The following SGCD variants were observed in gnomAD, a reference collection of about 807,000 sequenced individuals.
SGCD encodes the protein delta-sarcoglycan.
In SGCD, 18 loss-of-function variants were observed where a neutral mutation model predicts 36.6. The ratio of observed to expected loss-of-function variants is 0.49; its 90% CI spans 0.34 to 0.73. The LOEUF is 0.73. SGCD is among the 30% of genes least tolerant of loss of function. The pLI, the probability that SGCD is intolerant of heterozygous loss-of-function variation, is 0.01. For synonymous variants in SGCD, 133 were observed against 130.6 expected (o/e 1.02, Z -0.12); for missense variants, 387 against 346.7 (o/e 1.12, Z -0.92).
intron 3 of SGCD, among the ~76,000 whole-genome samples, chr5:156,233,481 G>A (rs375698894): frequency 1.8e-4 from 27 of 152,292 alleles, no homozygotes; most frequent in Middle Eastern, 6.8e-3. Flanking sequence ...ATTTAGTACT[G>A]ATGAAGGAAA....
At chr5:156,221,560 T>TA (rs1024836390) in intron 3 of SGCD, among the ~76,000 whole-genome samples, 70 of 147,442 alleles carry the variant, frequency 4.7e-4, no homozygotes, top group Middle Eastern at 6.9e-3. Flanking sequence ...TAATGAGATT[T>TA]AAAAAAAAAA....
chr5:156,670,235 T>G (rs574070629), intron 7 of SGCD, among the ~76,000 whole-genome samples: 160 of 152,302 alleles, frequency 1.1e-3, no homozygotes, highest in African/African-American at 3.7e-3. Flanking sequence ...ACATGACATT[T>G]TAAAAATAAA....
chr5:156,308,579 T>C (rs1348376810), intron 3 of SGCD, among the ~76,000 whole-genome samples: 1 of 152,102 alleles, frequency 6.6e-6, no homozygotes, highest in Non-Finnish European at 1.5e-5. Context: ...ATTACGGGCA[T>C]GAGCCACCGC....
chr5:156,486,064 A>G (rs1233740790), intron 3 of SGCD, among the ~76,000 whole-genome samples: 4 of 152,090 alleles, frequency 2.6e-5, no homozygotes, highest in Non-Finnish European at 5.9e-5. Flanking sequence ...CAAAGACCCA[A>G]GCAACTGTAG....
chr5:156,029,087 C>A (rs1759286387), intron 1 of SGCD, among the ~76,000 whole-genome samples: 2 of 152,118 alleles, frequency 1.3e-5, no homozygotes, highest in African/African-American at 4.8e-5. Flanking sequence ...CATTCTCAAC[C>A]TCATCATCTG....
chr5:156,094,413 G>A lies in SGCD; in HGVS notation c.-281-23465G>A, dbSNP rs114764119. On this transcript the variant is annotated intron_variant, in intron 1 of 9. Coordinates refer to the SGCD transcript ENST00000517913. ...TCTGCACAGCTAAGAGTTGGTGCCC[G>A]CTCCCTTATCCTCCCATCCCAACTG... Among the ~76,000 whole-genome samples, 348 of 152,218 alleles carry A rather than the reference G, an allele frequency of 2.3e-3. 1 individual carries two copies. The highest frequency in any genetic ancestry group is 7.7e-3 in the African/African-American group (319 of 41,542).
chr5:156,524,208 A>ATATG (rs3075013), intron 4 of SGCD, among the ~76,000 whole-genome samples: 1 of 120,698 alleles, frequency 8.3e-6, no homozygotes, highest in Non-Finnish European at 1.7e-5. Context: ...ATATATATAT[A>ATATG]GGTCTTTATA....
intron 7 of SGCD, among the ~76,000 whole-genome samples, chr5:156,726,621 T>A (rs1026210934): frequency 6.6e-6 from 1 of 152,224 alleles, no homozygotes; most frequent in Admixed American, 6.5e-5. Context: ...CTCTTTATGC[T>A]CCTTCAGCCT....
rs1484715185 is a variant in SGCD at position 156,765,898 on chromosome 5, T to G, written c.*6508T>G. ...TAGAACTTCTATTTTCCCTGCTTTCTGTAGTCTCTCACAGTGACAGCATCT... is the reference window on the plus strand; with the variant it reads ...TAGAACTTCTATTTTCCCTGCTTTCGGTAGTCTCTCACAGTGACAGCATCT... On this transcript the variant is annotated 3_prime_UTR_variant, in exon 9 of 9. Coordinates refer to ENST00000337851, the MANE Select transcript of SGCD (RefSeq NM_000337.6). The G allele has an allele frequency of 1.3e-5, 2 of 152,208 alleles. No individual in the cohort carries two copies. The highest frequency in any genetic ancestry group is 6.5e-5 in the Admixed American group (1 of 15,280). 9.4% of individuals were successfully genotyped at this position (152,208 alleles called of 1,614,324 possible). A position where few individuals can be genotyped will look rare whatever the true frequency, so the allele number is the denominator to read the frequency against.
intron 6 of SGCD, among the ~76,000 whole-genome samples, chr5:156,624,870 A>G (rs950178006): frequency 3.9e-5 from 6 of 152,202 alleles, no homozygotes; most frequent in Admixed American, 2.6e-4. Flanking sequence ...AGGCTGATAA[A>G]GCACAAGAGC....
chr5:156,493,229 A>C (rs1251248709), intron 3 of SGCD, among the ~76,000 whole-genome samples: 2 of 152,144 alleles, frequency 1.3e-5, no homozygotes, highest in African/African-American at 4.8e-5. Flanking sequence ...CATATCTATT[A>C]CTTCAGACAC....
chr5:156,040,187 C>T (rs1759600893), intron 1 of SGCD, among the ~76,000 whole-genome samples: 1 of 152,188 alleles, frequency 6.6e-6, no homozygotes, highest in Non-Finnish European at 1.5e-5. Flanking sequence ...TCACCCCTTG[C>T]ATATTCCTTT....
intron 6 of SGCD, among the ~76,000 whole-genome samples, chr5:156,630,255 G>A (rs1762583440): frequency 1.3e-5 from 2 of 152,164 alleles, no homozygotes; most frequent in Non-Finnish European, 2.9e-5. Context: ...ATAAGAGCAT[G>A]GGTTTATTCA....
chr5:156,671,351 C>A (rs1753285499), intron 7 of SGCD, among the ~76,000 whole-genome samples: 1 of 149,488 alleles, frequency 6.7e-6, no homozygotes, highest in African/African-American at 2.5e-5. Flanking sequence ...TGGCTCACTG[C>A]AACCTCTGCC....
At chr5:156,162,999 C>T (rs1195982122) in intron 3 of SGCD, among the ~76,000 whole-genome samples, 2 of 151,548 alleles carry the variant, frequency 1.3e-5, no homozygotes, top group Non-Finnish European at 2.9e-5. Context: ...TTGCTTTTCT[C>T]TGCTTGCCTG....
chr5:156,279,703 A>T (rs541684178), intron 3 of SGCD, among the ~76,000 whole-genome samples: 7 of 152,206 alleles, frequency 4.6e-5, no homozygotes, highest in South Asian at 4.1e-4. Flanking sequence ...TGTGAGCAAG[A>T]ACTGTACCAT....
At chr5:156,247,107 C>T (rs1765458059) in intron 3 of SGCD, among the ~76,000 whole-genome samples, 1 of 152,202 alleles carries the variant, frequency 6.6e-6, no homozygotes, top group Admixed American at 6.5e-5. Flanking sequence ...CCCTGTTAGC[C>T]ACACTTAGCA....
At chr5:156,009,880 C>G (rs1482085537) in intron 1 of SGCD, among the ~76,000 whole-genome samples, 1 of 152,180 alleles carries the variant, frequency 6.6e-6, no homozygotes, top group Non-Finnish European at 1.5e-5. Flanking sequence ...TGCGCATCCT[C>G]AGGCTTCTCT....
intron 6 of SGCD, among the ~76,000 whole-genome samples, chr5:156,626,123 C>T (rs1045611267): frequency 6.6e-6 from 1 of 152,106 alleles, no homozygotes; most frequent in Non-Finnish European, 1.5e-5. Flanking sequence ...AAGACAGCCC[C>T]CTACAACAAA....
Sources: allele counts gnomAD v4.1 joint callset (sites outside exome capture counted in the v4.1 genomes callset), GRCh38; gene constraint gnomAD v4.1.1; transcripts MANE v1.5; gene names NCBI Gene and HGNC (gene_info 2026-07-23, HGNC 2026-07-21).